PADI3: variants seen among roughly 807,000 people sequenced by gnomAD.
PADI3 encodes protein-arginine deiminase type-3.
In PADI3, 53 loss-of-function variants were observed where a neutral mutation model predicts 71.5. That is an observed-to-expected ratio of 0.74 (90% CI 0.59 to 0.93). The LOEUF (loss-of-function observed/expected upper bound fraction) is 0.93. Ranked by LOEUF, PADI3 falls within the 40% of genes least tolerant of loss-of-function variation. The pLI is 0.00. For synonymous variants in PADI3, 361 were observed against 347.5 expected, an observed-to-expected ratio of 1.04 and a Z score of -0.43; for missense variants, 821 against 868.0, an observed-to-expected ratio of 0.95 and a Z score of 0.68.
At chr1:17,264,406 C>T (rs1176845456) in intron 3 of PADI3, among the ~76,000 whole-genome samples, 2 of 151,584 alleles carry the variant, frequency 1.3e-5, no homozygotes, top group African/African-American at 4.9e-5. Flanking sequence ...AGAAAATAAA[C>T]CCAAGAGTAG....
chr1:17,249,333 C>A, intron 1 of PADI3, 104 bp downstream of exon 1: 1 of 929,362 alleles, frequency 1.1e-6, no homozygotes, highest in Non-Finnish European at 1.8e-6. Context: ...ACTCCCCAGC[C>A]TTGGCCTCGG....
chr1:17,268,217 G>A (rs1232025807), intron 6 of PADI3, among the ~76,000 whole-genome samples: 1 of 152,194 alleles, frequency 6.6e-6, no homozygotes, highest in Non-Finnish European at 1.5e-5. Flanking sequence ...TTAAGCATGT[G>A]TAGAAATTCT....
chr1:17,270,291 T>C lies in PADI3; in HGVS notation c.711T>C (p.Tyr237=), dbSNP rs771555428. The C allele has an allele frequency of 1.9e-6, 3 of 1,613,964 alleles. No homozygotes were observed. The highest frequency in any genetic ancestry group is 1.7e-6 in the Non-Finnish European group (2 of 1,179,966). ...TGCTGGGCCAAGATAAGGTGTCCTA[T>C]GAGGTACCCCGCTTGCATGGGGATG... ...RHVLGQDKVS[Y]EVPRLHGDEE... Residue 237 remains tyrosine (Y), a synonymous_variant, in exon 7 of 16, where the codon TAT becomes TAC. Transcript: ENST00000375460.
chr1:17,258,474 A>G (rs543174819), intron 1 of PADI3, among the ~76,000 whole-genome samples: 17 of 152,386 alleles, frequency 1.1e-4, no homozygotes, highest in South Asian at 6.2e-4. Context: ...AGGGAAATGC[A>G]ATCTCAGGGC....
At chr1:17,251,680 C>G (rs1569872928) in intron 1 of PADI3, among the ~76,000 whole-genome samples, 1 of 152,204 alleles carries the variant, frequency 6.6e-6, no homozygotes, top group East Asian at 1.9e-4. Context: ...CCAGTTTGGC[C>G]TTACTTCAAA....
In PADI3 at chr1:17,273,457, C is replaced by A; in HGVS notation, c.1155+10C>A. The A allele has an allele frequency of 6.3e-7, 1 of 1,587,324 alleles. No individual in the cohort carries two copies. Among genetic ancestry groups the A allele is most frequent in the Non-Finnish European group, 8.6e-7 (1 of 1,156,984 alleles). ...TTACAAAAGAATCCTGGTGAGTGGTCCCGGCCGCAGCCCACCCCTGAGAGC... is the reference window on the plus strand; with the variant it reads ...TTACAAAAGAATCCTGGTGAGTGGTACCGGCCGCAGCCCACCCCTGAGAGC... On this transcript the variant is annotated intron_variant, in intron 10 of 15. Transcript: ENST00000375460.
chr1:17,269,204 TA>T (rs901640979), intron 6 of PADI3, among the ~76,000 whole-genome samples: 26 of 152,298 alleles, frequency 1.7e-4, no homozygotes, highest in African/African-American at 6.0e-4. Context: ...TTGTCACTGT[TA>T]ACGAGTTGGG....
At chr1:17,263,849 T>A (rs954875302) in intron 3 of PADI3, among the ~76,000 whole-genome samples, 1 of 152,110 alleles carries the variant, frequency 6.6e-6, no homozygotes, top group Non-Finnish European at 1.5e-5. Flanking sequence ...GTCCCAGTGA[T>A]CAAAACCCAA....
chr1:17,258,908 G>C (rs1000608238), intron 1 of PADI3, among the ~76,000 whole-genome samples: 2 of 152,184 alleles, frequency 1.3e-5, no homozygotes, highest in South Asian at 4.1e-4. Flanking sequence ...ACCAATGGCT[G>C]GTGTTCACTG....
chr1:17,266,917 G>C, intron 5 of PADI3, 81 bp downstream of exon 5: 1 of 1,073,772 alleles, frequency 9.3e-7, no homozygotes, highest in Non-Finnish European at 1.4e-6. Context: ...CCACAGGCGA[G>C]ACTCTGAGGC....
chr1:17,253,087 T>A (rs1032056544), intron 1 of PADI3, among the ~76,000 whole-genome samples: 1 of 152,188 alleles, frequency 6.6e-6, no homozygotes, highest in African/African-American at 2.4e-5. Context: ...AGAAACTAGG[T>A]CTTCCAATTC....
intron 1 of PADI3, among the ~76,000 whole-genome samples, chr1:17,258,689 G>C (rs1274719224): frequency 6.6e-6 from 1 of 152,212 alleles, no homozygotes; most frequent in Non-Finnish European, 1.5e-5. Flanking sequence ...ATGCCAAATG[G>C]GGATGATATT....
chr1:17,250,071 G>T (rs900167668), intron 1 of PADI3, among the ~76,000 whole-genome samples: 2 of 152,182 alleles, frequency 1.3e-5, no homozygotes, highest in African/African-American at 2.4e-5. Context: ...AAGAAAAGAG[G>T]GTTAGGGTAG....
chr1:17,267,944 C>T lies in PADI3; in HGVS notation c.634C>T (p.Gln212Ter). ...CTCCAGCTATGATGCCAAACGGGCA[C>T]AGGTCTTCCACATCTGCGGTGAGTT... is the stretch of plus-strand genomic sequence containing the variant. Reference protein sequence around the residue: ...HTSSYDAKRAQVFHICGPEDV... With the variant: ...HTSSYDAKRA The change falls in exon 6 of 16, where the codon CAG (glutamine) becomes TAG (stop). Residue 212 changes from glutamine to a stop codon, truncating the protein, a stop_gained. Transcript: ENST00000375460. LOFTEE classifies it high-confidence loss of function. 1 of 1,614,208 alleles carries T rather than the reference C, an allele frequency of 6.2e-7. No individual in the cohort carries two copies. Among genetic ancestry groups the T allele is most frequent in the Non-Finnish European group, 8.5e-7 (1 of 1,180,052 alleles).
intron 1 of PADI3, among the ~76,000 whole-genome samples, chr1:17,251,577 C>T (rs764491764): frequency 6.6e-6 from 1 of 152,190 alleles, no homozygotes; most frequent in Non-Finnish European, 1.5e-5. Context: ...CTGTCATCAT[C>T]GTCATTTTAT....
intron 1 of PADI3, among the ~76,000 whole-genome samples, chr1:17,252,402 T>TTA (rs1553132681): frequency 1.1e-5 from 1 of 93,386 alleles, no homozygotes; most frequent in Non-Finnish European, 2.3e-5. Context: ...TTCTTCTTCT[T>TTA]TTTTTTTTTT....
chr1:17,265,621 G>A, intron 3 of PADI3, 38 bp from the exon 4 acceptor site: 1 of 1,599,614 alleles, frequency 6.3e-7, no homozygotes, highest in Non-Finnish European at 8.6e-7. Flanking sequence ...GGGCTCCTGG[G>A]AACCTTGTAG....
chr1:17,259,854 C>A, intron 2 of PADI3, 96 bp downstream of exon 2: 1 of 1,084,190 alleles, frequency 9.2e-7, no homozygotes, highest in Non-Finnish European at 1.3e-6. Context: ...GAGCGCAGGG[C>A]AACACAGTGG....
Position 17,280,779 on chromosome 1 carries a change from G to A in PADI3, c.1744G>A (p.Ala582Thr), listed in dbSNP as rs34097903. 1.2e-3 allele frequency: 1,898 copies of A among 1,614,054 alleles called. 26 individuals carry two copies. The African/African-American group carries it at 0.023, about 20-fold the overall frequency. ...LFKTERKKATAFFPDLVNMLV... is the reference protein window; with the variant it reads ...LFKTERKKATTFFPDLVNMLV... Reference sequence around the variant, plus strand: ...CAAGACCGAGAGGAAAAAAGCAACGGCCTTCTTCCCTGACTTGGTGAGGGC... The same window carrying A: ...CAAGACCGAGAGGAAAAAAGCAACGACCTTCTTCCCTGACTTGGTGAGGGC... The change falls in exon 15 of 16, where the codon GCC becomes ACC. Residue 582 changes from alanine (A) to threonine (T), a missense_variant. Physicochemically the swap from Ala to Thr is moderately conservative, Grantham distance 58. Transcript: ENST00000375460.
Sources: allele counts gnomAD v4.1 joint callset (sites outside exome capture counted in the v4.1 genomes callset), GRCh38; gene constraint gnomAD v4.1.1; transcripts MANE v1.5; gene names NCBI Gene and HGNC (gene_info 2026-07-23, HGNC 2026-07-21).